The following PAK2 variants were observed in gnomAD, a reference collection of about 807,000 sequenced individuals.
The protein encoded by PAK2 is p21 (RAC1) activated kinase 2, also known as serine/threonine-protein kinase PAK 2.
Under a neutral mutation model 65.9 loss-of-function variants are expected in PAK2, and 21 were observed. The observed-to-expected ratio is 0.32, with a 90% CI of 0.23 to 0.46. The LOEUF (loss-of-function observed/expected upper bound fraction) is 0.46. Ranked by LOEUF, PAK2 falls within the 20% of genes least tolerant of loss-of-function variation. PAK2 has a pLI of 1.00. For missense variants in PAK2, 324 were observed against 642.6 expected (o/e 0.50, Z 5.36); for synonymous variants, 204 against 219.7 (o/e 0.93, Z 0.63).
intron 1 of PAK2, among the ~76,000 whole-genome samples, chr3:196,753,058 A>G (rs1380688532): frequency 6.7e-6 from 1 of 149,306 alleles, no homozygotes; most frequent in Non-Finnish European, 1.5e-5. Context: ...GGCTCACTGC[A>G]ACTTCCGCCT....
intron 7 of PAK2, among the ~76,000 whole-genome samples, chr3:196,809,373 A>T (rs1577737915): frequency 3.9e-5 from 4 of 101,864 alleles, no homozygotes; most frequent in Admixed American, 1.4e-4. Flanking sequence ...TTTTTGAGAC[A>T]GAGTCTCGCT....
intron 2 of PAK2, among the ~76,000 whole-genome samples, chr3:196,796,116 C>A (rs954880268): frequency 1.3e-5 from 2 of 152,216 alleles, no homozygotes; most frequent in Non-Finnish European, 2.9e-5. Context: ...ACTCACCTGC[C>A]ACTCAGTTCC....
chr3:196,811,387 T>C (rs1403480944), intron 8 of PAK2, among the ~76,000 whole-genome samples: 2 of 32,208 alleles, frequency 6.2e-5, no homozygotes, highest in African/African-American at 2.1e-4. Flanking sequence ...CTTCCTTCCC[T>C]TTTTTTTTTT....
chr3:196,743,864 AGAGT>A (rs1553798551), intron 1 of PAK2, among the ~76,000 whole-genome samples: 1 of 152,178 alleles, frequency 6.6e-6, no homozygotes, highest in Non-Finnish European at 1.5e-5. Flanking sequence ...CCTGGGTGAC[AGAGT>A]GAGACTCCGT....
intron 1 of PAK2, among the ~76,000 whole-genome samples, chr3:196,748,440 A>G (rs1439721177): frequency 6.6e-6 from 1 of 152,210 alleles, no homozygotes; most frequent in Non-Finnish European, 1.5e-5. Context: ...CCAGTATCAT[A>G]CCGACTGGTT....
In PAK2 at chr3:196,752,916, G is replaced by A. The variant is rs114968969; in HGVS notation, c.-22+12759G>A. On this transcript the variant is annotated intron_variant, in intron 1 of 14. Coordinates refer to ENST00000327134, the MANE Select transcript of PAK2 (RefSeq NM_002577.4). ...CTATTTATTTTTGAGACAAGGTCTC[G>A]CTCTTGTCCCAAGCTCACCATGGAG... is the stretch of plus-strand genomic sequence containing the variant. Among the ~76,000 whole-genome samples, 1,361 of 151,884 alleles carry A rather than the reference G, an allele frequency of 9.0e-3. 26 individuals are homozygous for A. Among genetic ancestry groups the A allele is most frequent in the African/African-American group, 0.03 (1,238 of 41,426 alleles).
intron 1 of PAK2, among the ~76,000 whole-genome samples, chr3:196,746,608 T>G (rs1713389014): frequency 6.6e-6 from 1 of 152,060 alleles, no homozygotes; most frequent in Non-Finnish European, 1.5e-5. Flanking sequence ...GGTTTGGAGT[T>G]TGAGACCAGC....
intron 2 of PAK2, among the ~76,000 whole-genome samples, chr3:196,784,047 AGCTTCTCAAACTTCAGGTGATCTGTTAG>A (rs1370185445): frequency 6.6e-6 from 1 of 152,134 alleles, no homozygotes; most frequent in African/African-American, 2.4e-5. Flanking sequence ...TGTAGGGCAA[AGCTTCTCAAACTTCAGGTGATCTGTTAG>A]TTTAGTTCTT....
At chr3:196,782,559 A>T (rs1577718442) in intron 1 of PAK2, 67 bp from the exon 2 acceptor site, 10 of 703,374 alleles carry the variant, frequency 1.4e-5, no homozygotes, top group Admixed American at 1.3e-4. Context: ...AGGGGTAGTT[A>T]TTACTGTTTT....
At chr3:196,762,545 G>A (rs1714015212) in intron 1 of PAK2, among the ~76,000 whole-genome samples, 1 of 150,354 alleles carries the variant, frequency 6.7e-6, no homozygotes, top group Admixed American at 6.6e-5. Context: ...AACCAGTCAG[G>A]CGTGGCGGCG....
At chr3:196,792,753 A>T (rs371835925) in intron 2 of PAK2, among the ~76,000 whole-genome samples, 103 of 152,268 alleles carry the variant, frequency 6.8e-4, no homozygotes, top group Middle Eastern at 3.4e-3. Context: ...CCACATACAG[A>T]AGCATTCTAT....
chr3:196,814,024 G>A (rs561886500), intron 10 of PAK2, among the ~76,000 whole-genome samples: 165 of 152,292 alleles, frequency 1.1e-3, no homozygotes, highest in South Asian at 2.3e-3. Context: ...TCAGCATAGT[G>A]TGGTGGTTAA....
Position 196,830,477 on chromosome 3 carries a change from G to A in PAK2, c.*2072G>A, listed in dbSNP as rs909590813. The A allele has an allele frequency of 8.1e-5, 12 of 148,752 alleles. No homozygotes were observed. Among genetic ancestry groups the A allele is most frequent in the African/African-American group, 2.9e-4 (11 of 38,482 alleles). The allele number at this position is 148,752 out of a possible 1,614,324, so 9.2% of individuals were successfully genotyped here. A position where few individuals can be genotyped will look rare whatever the true frequency, so the allele number is the denominator to read the frequency against. On this transcript the variant is annotated 3_prime_UTR_variant, in exon 15 of 15. Coordinates refer to ENST00000327134, the MANE Select transcript of PAK2 (RefSeq NM_002577.4). ...ATGAAATAGAAAACCAACGAGATGA[G>A]AAGACTGTGATCCTCATGTACTCAG...
Position 196,831,291 on chromosome 3 carries a change from G to A in PAK2, c.*2886G>A, listed in dbSNP as rs571381257. 9 of 152,220 alleles carry A rather than the reference G, an allele frequency of 5.9e-5. No homozygotes were observed. The South Asian group carries it at 1.9e-3, about 32-fold the overall frequency. The allele number at this position is 152,220 out of a possible 1,614,324, so 9.4% of individuals were successfully genotyped here. ...AAAGTTACCTTAATAGTCCTCTTGT[G>A]TTATTAGGACAGTATTATTATAGTA... On this transcript the variant is annotated 3_prime_UTR_variant, in exon 15 of 15. Transcript: ENST00000327134.
intron 2 of PAK2, among the ~76,000 whole-genome samples, chr3:196,792,015 C>A (rs528662384): frequency 1.3e-5 from 2 of 152,156 alleles, no homozygotes; most frequent in African/African-American, 2.4e-5. Flanking sequence ...CCGAGTCTGG[C>A]TTAGCTGCTC....
At chr3:196,778,230 C>A (rs1714597828) in intron 1 of PAK2, among the ~76,000 whole-genome samples, 1 of 152,106 alleles carries the variant, frequency 6.6e-6, no homozygotes, top group Non-Finnish European at 1.5e-5. Context: ...ATCGGTACTT[C>A]TTTTTGCGGC....
intron 2 of PAK2, among the ~76,000 whole-genome samples, chr3:196,783,579 C>CAAA (rs11417269): frequency 2.4e-4 from 27 of 114,864 alleles, no homozygotes; most frequent in Admixed American, 3.6e-4. Flanking sequence ...GAGACTCTCT[C>CAAA]AAAAAAAAAA....
intron 13 of PAK2, among the ~76,000 whole-genome samples, chr3:196,826,036 G>A (rs1395678677): frequency 6.6e-6 from 1 of 150,772 alleles, no homozygotes; most frequent in East Asian, 2.0e-4. Context: ...ATTTTTAGTA[G>A]CGATGGGGTT....
At chr3:196,809,814 C>CT (rs1452600187) in intron 7 of PAK2, among the ~76,000 whole-genome samples, 1 of 151,960 alleles carries the variant, frequency 6.6e-6, no homozygotes, top group Non-Finnish European at 1.5e-5. Flanking sequence ...CTACATAAAA[C>CT]TATTTATGTC....
Sources: allele counts gnomAD v4.1 joint callset (sites outside exome capture counted in the v4.1 genomes callset), GRCh38; gene constraint gnomAD v4.1.1; transcripts MANE v1.5; gene names NCBI Gene and HGNC (gene_info 2026-07-23, HGNC 2026-07-21).